Variants in FRAS1 observed in about 807,000 individuals in gnomAD.
FRAS1 encodes extracellular matrix organizing protein FRAS1.
Under a neutral mutation model 435.2 loss-of-function variants are expected in FRAS1, and 290 were observed. The ratio of observed to expected loss-of-function variants is 0.67; its 90% CI spans 0.61 to 0.73. The LOEUF is 0.73. FRAS1 is among the 30% of genes least tolerant of loss of function. FRAS1 has a pLI of 0.00. For missense variants in FRAS1, 4,860 were observed against 5,001.5 expected (o/e 0.97, Z 0.85); for synonymous variants, 1,800 against 1,851.0 (o/e 0.97, Z 0.71).
Position 78,421,993 on chromosome 4 carries a change from G to A in FRAS1, c.4671G>A (p.Ser1557=), listed in dbSNP as rs375949245. The change falls in exon 34 of 74, where the codon TCG becomes TCA. Residue 1557 remains serine (S), a synonymous_variant. Transcript: ENST00000512123. ...APHLQELMAF[S]FAGLPESVKF... ...ACCTCCAGGAGCTCATGGCCTTCTC[G>A]TTCGCTGGTAATGCTCTCCTCTCTG... The A allele has an allele frequency of 1.9e-5, 31 of 1,609,700 alleles. No homozygotes were observed. Among genetic ancestry groups the A allele is most frequent in the East Asian group, 1.3e-4 (6 of 44,792 alleles).
intron 2 of FRAS1, among the ~76,000 whole-genome samples, chr4:78,150,832 G>A (rs1720625561): frequency 1.3e-5 from 2 of 152,216 alleles, no homozygotes; most frequent in Non-Finnish European, 2.9e-5. Flanking sequence ...TATGCTCTGA[G>A]TGCAGAAAGA....
intron 14 of FRAS1, 46 bp downstream of exon 14, chr4:78,286,585 C>T: frequency 6.3e-7 from 1 of 1,594,870 alleles, no homozygotes. Context: ...CAAGACAGCT[C>T]CCCAACCCTG....
At chr4:78,201,101 A>T (rs1723034321) in intron 2 of FRAS1, among the ~76,000 whole-genome samples, 2 of 151,996 alleles carry the variant, frequency 1.3e-5, no homozygotes, top group African/African-American at 4.8e-5. Context: ...TGCACAGGGC[A>T]CATATTTCAC....
At chr4:78,409,985 C>A (rs979461243) in intron 31 of FRAS1, among the ~76,000 whole-genome samples, 1 of 152,190 alleles carries the variant, frequency 6.6e-6, no homozygotes, top group Non-Finnish European at 1.5e-5. Context: ...ATCCTGAGCA[C>A]ACTGAATTTC....
chr4:78,539,243 A>G, intron 72 of FRAS1, 51 bp from the exon 73 acceptor site: 5 of 1,583,990 alleles, frequency 3.2e-6, no homozygotes, highest in Non-Finnish European at 4.3e-6. Context: ...ACCTACCAAT[A>G]TAGTGGAACC....
chr4:78,450,343 A>G lies in FRAS1; in HGVS notation c.6463+4A>G, dbSNP rs776569304. 6.2e-7 allele frequency: 1 copy of G among 1,613,496 alleles called. No homozygotes were observed. The highest frequency in any genetic ancestry group is 8.5e-7 in the Non-Finnish European group (1 of 1,179,466). The stretch of plus-strand genomic sequence containing the variant: ...ACCCAGGCAGACATTAGCCAAGGTC[A>G]GCCAGTTCTCTTCTGCCTACCAGGC... On this transcript the variant is annotated splice_donor_region_variant and intron_variant, in intron 45 of 73. Transcript: ENST00000512123.
intron 2 of FRAS1, among the ~76,000 whole-genome samples, chr4:78,094,253 A>G (rs1269582463): frequency 2.6e-5 from 4 of 151,974 alleles, no homozygotes; most frequent in Non-Finnish European, 4.4e-5. Flanking sequence ...GGTGAGGTCA[A>G]TGGATTTCGG....
intron 50 of FRAS1, among the ~76,000 whole-genome samples, chr4:78,468,564 A>C (rs1719607907): frequency 6.6e-6 from 1 of 152,190 alleles, no homozygotes; most frequent in Middle Eastern, 3.4e-3. Flanking sequence ...TTTTCTCTTG[A>C]GGTTGTGCAA....
chr4:78,133,863 T>C (rs1719798619), intron 2 of FRAS1, among the ~76,000 whole-genome samples: 1 of 152,082 alleles, frequency 6.6e-6, no homozygotes, highest in Non-Finnish European at 1.5e-5. Flanking sequence ...ATCTTTTGGG[T>C]CATCACCTAA....
chr4:78,166,797 A>AG (rs1403579222), intron 2 of FRAS1, among the ~76,000 whole-genome samples: 5 of 152,112 alleles, frequency 3.3e-5, no homozygotes, highest in Non-Finnish European at 7.4e-5. Flanking sequence ...ATGGACTGTG[A>AG]GAAAAAAAAT....
intron 70 of FRAS1, among the ~76,000 whole-genome samples, chr4:78,533,583 A>G (rs1288152649): frequency 6.6e-6 from 1 of 152,284 alleles, no homozygotes; most frequent in African/African-American, 2.4e-5. Flanking sequence ...ACACTGGCTC[A>G]TGCGTTGCAT....
intron 58 of FRAS1, among the ~76,000 whole-genome samples, chr4:78,485,144 T>G (rs1720129577): frequency 6.6e-6 from 1 of 152,226 alleles, no homozygotes; most frequent in African/African-American, 2.4e-5. Flanking sequence ...TAAGCCTCAT[T>G]TTGCTCATCT....
At chr4:78,514,135 A>G (rs1352739489) in intron 65 of FRAS1, among the ~76,000 whole-genome samples, 1 of 152,254 alleles carries the variant, frequency 6.6e-6, no homozygotes, top group East Asian at 1.9e-4. Context: ...CATCTCGGCC[A>G]TGGCAGGGAG....
intron 2 of FRAS1, among the ~76,000 whole-genome samples, chr4:78,163,684 T>G (rs1226401931): frequency 6.6e-6 from 1 of 152,208 alleles, no homozygotes; most frequent in Non-Finnish European, 1.5e-5. Context: ...TGATCTATAG[T>G]GCTGTGGTTT....
At chr4:78,375,927 C>G in intron 26 of FRAS1, 48 bp downstream of exon 26, 1 of 1,599,398 alleles carries the variant, frequency 6.3e-7, no homozygotes, top group Non-Finnish European at 8.6e-7. Context: ...AATAATTTCT[C>G]TATGTGAAGG....
At chr4:78,119,497 T>C (rs77362077) in intron 2 of FRAS1, among the ~76,000 whole-genome samples, 3,537 of 152,284 alleles carry the variant, frequency 0.023, 93 homozygotes, top group South Asian at 0.092. Flanking sequence ...CATCTATTTT[T>C]CTGTGAATGA....
intron 2 of FRAS1, among the ~76,000 whole-genome samples, chr4:78,170,316 G>A (rs553522330): frequency 3.9e-5 from 6 of 152,238 alleles, no homozygotes; most frequent in Admixed American, 3.9e-4. Context: ...CATATAGTTG[G>A]TGCTTAGTAA....
intron 45 of FRAS1, among the ~76,000 whole-genome samples, chr4:78,451,459 T>C (rs1719019745): frequency 6.6e-6 from 1 of 152,148 alleles, no homozygotes; most frequent in Non-Finnish European, 1.5e-5. Context: ...ACATGGGCAG[T>C]TTTGTGGATC....
chr4:78,496,098 ACT>A (rs958522091), intron 59 of FRAS1, among the ~76,000 whole-genome samples: 5 of 152,100 alleles, frequency 3.3e-5, no homozygotes, highest in African/African-American at 9.7e-5. Context: ...ACATCACATG[ACT>A]CTACTATTGA....
Sources: gnomAD v4.1 joint callset for allele counts (sites outside exome capture counted in the v4.1 genomes callset) on GRCh38, gnomAD v4.1.1 for gene constraint, MANE v1.5 for transcripts, NCBI Gene and HGNC (gene_info 2026-07-23, HGNC 2026-07-21) for gene names.